Variants in PTPRD observed in about 807,000 individuals in gnomAD.
PTPRD encodes the protein protein tyrosine phosphatase receptor type D.
PTPRD carries 34 observed loss-of-function variants against 214.5 expected under a neutral mutation model. The observed-to-expected ratio is 0.16, with a 90% CI of 0.12 to 0.21. The LOEUF (loss-of-function observed/expected upper bound fraction) is 0.21. Ranked by LOEUF, PTPRD falls within the 10% of genes least tolerant of loss-of-function variation. The pLI is 1.00. For synonymous variants in PTPRD, 1,128 were observed against 845.7 expected (o/e 1.33, Z -5.79); for missense variants, 2,545 against 2,398.7 (o/e 1.06, Z -1.27).
chr9:9,310,022 T>C (rs115063859), intron 9 of PTPRD, among the ~76,000 whole-genome samples: 1,763 of 152,230 alleles, frequency 0.012, 31 homozygotes, highest in East Asian at 0.062. Context: ...GAAAACTTTC[T>C]CAACTACCCC....
intron 5 of PTPRD, among the ~76,000 whole-genome samples, chr9:9,794,610 A>G (rs1353538457): frequency 6.6e-6 from 1 of 151,884 alleles, no homozygotes; most frequent in Non-Finnish European, 1.5e-5. Context: ...GATAATCATG[A>G]CTAACATTGT....
At chr9:10,331,473 T>G (rs1270841223) in intron 3 of PTPRD, among the ~76,000 whole-genome samples, 1 of 151,868 alleles carries the variant, frequency 6.6e-6, no homozygotes, top group Non-Finnish European at 1.5e-5. Flanking sequence ...AATTCCCTGA[T>G]TCACAGTTTT....
intron 3 of PTPRD, among the ~76,000 whole-genome samples, chr9:10,283,125 TACAC>T (rs58492445): frequency 8.7e-5 from 13 of 149,378 alleles, no homozygotes; most frequent in African/African-American, 2.0e-4. Context: ...CCTGCATATG[TACAC>T]ACACACACAC....
At position 9,879,735 on chromosome 9, in the gene PTPRD, T is replaced by G. The variant is rs144508428; in HGVS notation, c.-368+58772A>C. ...GAGGTGAGATGTCTCTGAGATAAGA[T>G]CAGATCATCCCCAGAGATAAGAAGC... is the stretch of plus-strand genomic sequence containing the variant. On this transcript the variant is annotated intron_variant, in intron 5 of 45. Transcript: ENST00000381196. Among the ~76,000 whole-genome samples the G allele has an allele frequency of 1.4e-3, 209 of 152,268 alleles. 1 individual carries two copies. The highest frequency in any genetic ancestry group is 4.5e-3 in the African/African-American group (186 of 41,566).
At chr9:9,240,854 C>A (rs1594335565) in intron 9 of PTPRD, among the ~76,000 whole-genome samples, 1 of 151,988 alleles carries the variant, frequency 6.6e-6, no homozygotes, top group African/African-American at 2.4e-5. Context: ...CTAATCACGG[C>A]CATTTTAAGT....
At chr9:9,322,169 G>C (rs1448539089) in intron 9 of PTPRD, among the ~76,000 whole-genome samples, 8 of 152,120 alleles carry the variant, frequency 5.3e-5, no homozygotes, top group Admixed American at 4.6e-4. Flanking sequence ...TGGTCTTAAA[G>C]TATTGTAGCT....
intron 3 of PTPRD, among the ~76,000 whole-genome samples, chr9:10,167,602 T>C (rs943909606): frequency 2.0e-5 from 3 of 152,184 alleles, no homozygotes; most frequent in Admixed American, 6.5e-5. Flanking sequence ...TTATTAGAAG[T>C]GGATGTACGG....
At chr9:8,547,520 G>C (rs2080559300) in intron 14 of PTPRD, among the ~76,000 whole-genome samples, 1 of 151,872 alleles carries the variant, frequency 6.6e-6, no homozygotes. Flanking sequence ...GCATGTGCCT[G>C]TAGTACCAGC....
rs138422459 is a variant in PTPRD at position 8,794,968 on chromosome 9, G to T, written c.-103-61022C>A. On this transcript the variant is annotated intron_variant, in intron 11 of 45. Coordinates refer to ENST00000381196, the MANE Select transcript of PTPRD (RefSeq NM_002839.4). Reference sequence around the variant, plus strand: ...TTTTGTACTGCTGATTAATTATTTGGAACCCAATTTTAAAACAAAGTTGTT... The same window carrying T: ...TTTTGTACTGCTGATTAATTATTTGTAACCCAATTTTAAAACAAAGTTGTT... 2.0e-5 allele frequency among the ~76,000 whole-genome samples: 3 copies of T among 151,366 alleles called. No individual in the cohort carries two copies. In the East Asian group the frequency reaches 5.9e-4, roughly 30 times the overall value.
intron 2 of PTPRD, among the ~76,000 whole-genome samples, chr9:10,606,406 A>G (rs1226871704): frequency 6.6e-6 from 1 of 151,874 alleles, no homozygotes; most frequent in African/African-American, 2.4e-5. Context: ...AATTATTGGG[A>G]AAAAATCCCA....
chr9:8,636,246 T>A (rs1013451519), intron 13 of PTPRD, among the ~76,000 whole-genome samples: 1 of 152,198 alleles, frequency 6.6e-6, no homozygotes, highest in East Asian at 1.9e-4. Context: ...GGGACTGTCC[T>A]CATTCCCAGA....
chr9:9,845,195 T>G (rs1470775448), intron 5 of PTPRD, among the ~76,000 whole-genome samples: 10 of 136,152 alleles, frequency 7.3e-5, no homozygotes, highest in African/African-American at 2.0e-4. Context: ...TCTATATATA[T>G]AGCTATATAT....
chr9:9,035,257 G>C (rs1206558228), intron 10 of PTPRD, among the ~76,000 whole-genome samples: 2 of 152,172 alleles, frequency 1.3e-5, no homozygotes, highest in African/African-American at 4.8e-5. Flanking sequence ...CTTAAAATAA[G>C]AGCTATTTTC....
chr9:8,627,632 G>A (rs980683270), intron 14 of PTPRD, among the ~76,000 whole-genome samples: 1 of 151,830 alleles, frequency 6.6e-6, no homozygotes, highest in African/African-American at 2.4e-5. Flanking sequence ...GGCAAAACAA[G>A]TAATAGTTCC....
At chr9:8,395,383 T>A (rs1284044985) in intron 36 of PTPRD, among the ~76,000 whole-genome samples, 3 of 151,382 alleles carry the variant, frequency 2.0e-5, no homozygotes, top group Non-Finnish European at 2.9e-5. Context: ...AAACAGGAAA[T>A]AGGAAAGCAA....
At chr9:9,754,677 A>T (rs911215916) in intron 6 of PTPRD, among the ~76,000 whole-genome samples, 1 of 152,100 alleles carries the variant, frequency 6.6e-6, no homozygotes, top group Non-Finnish European at 1.5e-5. Context: ...ATCACAAAGT[A>T]TAATTGGAAG....
intron 7 of PTPRD, among the ~76,000 whole-genome samples, chr9:9,729,443 G>C (rs954049587): frequency 6.6e-6 from 1 of 151,990 alleles, no homozygotes; most frequent in Admixed American, 6.6e-5. Flanking sequence ...GTAATCCTAT[G>C]ACCACACCTA....
intron 8 of PTPRD, among the ~76,000 whole-genome samples, chr9:9,548,438 C>T (rs1361394593): frequency 7.2e-6 from 1 of 138,762 alleles, no homozygotes; most frequent in Non-Finnish European, 1.5e-5. Context: ...GACGGAGTCT[C>T]GCTTTGTCAT....
chr9:10,434,305 A>G (rs572869922), intron 2 of PTPRD, among the ~76,000 whole-genome samples: 66 of 152,054 alleles, frequency 4.3e-4, no homozygotes, highest in Non-Finnish European at 7.4e-4. Flanking sequence ...CACTTTTTAA[A>G]CTAGAAAGCA....
Sources: allele counts gnomAD v4.1 joint callset (sites outside exome capture counted in the v4.1 genomes callset), GRCh38; gene constraint gnomAD v4.1.1; transcripts MANE v1.5; gene names NCBI Gene and HGNC (gene_info 2026-07-23, HGNC 2026-07-21).